POP1: variants seen among roughly 807,000 people sequenced by gnomAD.
POP1 encodes the protein ribonucleases P/MRP protein subunit POP1.
A neutral mutation model predicts 102.2 loss-of-function variants in POP1; 75 were observed. The observed-to-expected ratio is 0.73, with a 90% confidence interval of 0.61 to 0.89. The LOEUF (loss-of-function observed/expected upper bound fraction) is 0.89, where lower values mean the gene tolerates loss of function less well. POP1 is among the 40% of genes least tolerant of loss of function. POP1 has a pLI of 0.00. For missense variants in POP1, 1,116 were observed against 1,267.4 expected, an observed-to-expected ratio of 0.88 and a Z score of 1.81; for synonymous variants, 436 against 464.1, an observed-to-expected ratio of 0.94 and a Z score of 0.78.
At chr8:98,119,464 A>G (rs1046592689) in intron 1 of POP1, among the ~76,000 whole-genome samples, 3 of 152,218 alleles carry the variant, frequency 2.0e-5, no homozygotes, top group East Asian at 3.8e-4. Flanking sequence ...TAACGTATCC[A>G]TTTTATTTGA....
At chr8:98,120,489 T>C (rs1250451541) in intron 1 of POP1, among the ~76,000 whole-genome samples, 1 of 152,230 alleles carries the variant, frequency 6.6e-6, no homozygotes, top group Non-Finnish European at 1.5e-5. Context: ...TTTTTTATTT[T>C]GAGACAGAGT....
At chr8:98,124,232 A>G (rs1025373644) in intron 2 of POP1, among the ~76,000 whole-genome samples, 5 of 152,194 alleles carry the variant, frequency 3.3e-5, no homozygotes, top group Non-Finnish European at 7.3e-5. Flanking sequence ...AATAAAGGAA[A>G]TAAACTCTAC....
At chr8:98,142,265 C>T (rs897609922) in intron 11 of POP1, among the ~76,000 whole-genome samples, 4 of 152,068 alleles carry the variant, frequency 2.6e-5, no homozygotes, top group African/African-American at 4.8e-5. Context: ...TCTTGAAAAA[C>T]GTGATTTAAT....
chr8:98,128,880 T>A (rs28460391), intron 4 of POP1, among the ~76,000 whole-genome samples: 8 of 151,946 alleles, frequency 5.3e-5, no homozygotes, highest in Non-Finnish European at 5.9e-5. Context: ...GCTGTGATCA[T>A]GCTACTGTAC....
intron 1 of POP1, among the ~76,000 whole-genome samples, chr8:98,122,132 T>A (rs1396975738): frequency 6.6e-6 from 1 of 152,212 alleles, no homozygotes; most frequent in Non-Finnish European, 1.5e-5. Context: ...CCTGGCCTGG[T>A]TACACCGTTT....
At chr8:98,122,900 C>T (rs1376653427) in intron 1 of POP1, among the ~76,000 whole-genome samples, 1 of 152,130 alleles carries the variant, frequency 6.6e-6, no homozygotes, top group Non-Finnish European at 1.5e-5. Context: ...CTTTATCTTG[C>T]TTCAAATTGA....
Position 98,134,629 on chromosome 8 carries a change from G to T in POP1, c.981G>T (p.Leu327=), listed in dbSNP as rs1210419270. The T allele has an allele frequency of 1.9e-6, 3 of 1,613,948 alleles. No individual in the cohort carries two copies. Among genetic ancestry groups the T allele is most frequent in the Non-Finnish European group, 2.5e-6 (3 of 1,179,794 alleles). ...GTGACCCTTCTGAGAGCAGGCAGCT[G>T]TGGATCTGGCTGCATCCAACCCTTA... The part of the protein sequence containing the change: ...TPGDPSESRQ[L]WIWLHPTLKQ... The change falls in exon 7 of 16, where the codon CTG becomes CTT. Residue 327 remains leucine, a synonymous_variant. Coordinates refer to ENST00000401707, the MANE Select transcript of POP1 (RefSeq NM_001145860.2).
At chr8:98,145,051 C>G (rs1223150857) in intron 11 of POP1, among the ~76,000 whole-genome samples, 2 of 152,006 alleles carry the variant, frequency 1.3e-5, no homozygotes, top group Admixed American at 6.6e-5. Context: ...CCACAACCAG[C>G]TAATTTTTGT....
Position 98,159,465 on chromosome 8 carries a change from C to G in POP1, c.*1194C>G, listed in dbSNP as rs1458773362. ...AACTATGGAGAAACTCAGTGCTCATCTACTTTAAGTTTCCACATATGGCTT... is the reference window on the plus strand; with the variant it reads ...AACTATGGAGAAACTCAGTGCTCATGTACTTTAAGTTTCCACATATGGCTT... On this transcript the variant is annotated 3_prime_UTR_variant, in exon 16 of 16. Coordinates refer to ENST00000401707, the MANE Select transcript of POP1 (RefSeq NM_001145860.2). 6.6e-6 allele frequency: 1 copy of G among 152,214 alleles called. No homozygotes were observed. The highest frequency in any genetic ancestry group is 1.5e-5 in the Non-Finnish European group (1 of 68,046). 9.4% of individuals were successfully genotyped at this position (152,214 alleles called of 1,614,324 possible).
Position 98,148,900 on chromosome 8 carries a change from T to C in POP1, c.1796T>C (p.Leu599Ser). Residue 599 changes from leucine (L) to serine (S), a missense_variant, in exon 13 of 16, where the codon TTG becomes TCG. By Grantham distance (145) the Leu-to-Ser change is moderately radical. Transcript: ENST00000401707. ...GPHESKIPIL[L>S]IQQPGKVTGE... ...CATGAATCCAAGATACCTATACTTT[T>C]GATTCAGCAGCCAGGAAAAGTGACT... 1 of 1,613,936 alleles carries C rather than the reference T, an allele frequency of 6.2e-7. No homozygotes were observed. Among genetic ancestry groups the C allele is most frequent in the East Asian group, 2.2e-5 (1 of 44,888 alleles).
In POP1 at chr8:98,133,929, G is replaced by T; in HGVS notation, c.736-20G>T. The T allele has an allele frequency of 6.3e-7, 1 of 1,588,660 alleles. No homozygotes were observed. Among genetic ancestry groups the T allele is most frequent in the Non-Finnish European group, 8.6e-7 (1 of 1,156,968 alleles). On this transcript the variant is annotated intron_variant, in intron 5 of 15. Transcript: ENST00000401707. ...TGTGTAAATTCCTAAGTACTTAATT[G>T]TGTCTCCCGCTTTGTGCAGGATTTA...
chr8:98,126,958 T>G (rs1816223571), intron 2 of POP1, among the ~76,000 whole-genome samples: 1 of 152,182 alleles, frequency 6.6e-6, no homozygotes, highest in Admixed American at 6.5e-5. Context: ...AACCTGTATC[T>G]TACTGGGTAG....
chr8:98,153,560 A>G (rs1292653464), intron 14 of POP1, among the ~76,000 whole-genome samples: 2 of 29,640 alleles, frequency 6.7e-5, no homozygotes, highest in Non-Finnish European at 1.0e-4. Context: ...TTTTTTTGAG[A>G]CAGAGTCTTG....
chr8:98,138,785 T>C (rs922527783), intron 9 of POP1, among the ~76,000 whole-genome samples: 56 of 152,170 alleles, frequency 3.7e-4, no homozygotes, highest in African/African-American at 1.3e-3. Context: ...GAGCCTGTAC[T>C]GTAAACCACT....
chr8:98,117,311 T>G lies in POP1; in HGVS notation c.-82T>G, dbSNP rs1355012027. 1 of 586,756 alleles carries G rather than the reference T, an allele frequency of 1.7e-6. No individual in the cohort carries two copies. Among genetic ancestry groups the G allele is most frequent in the African/African-American group, 1.9e-5 (1 of 53,358 alleles). 36.3% of individuals were successfully genotyped at this position (586,756 alleles called of 1,614,324 possible). On this transcript the variant is annotated 5_prime_UTR_variant, in exon 1 of 16. Coordinates refer to ENST00000401707, the MANE Select transcript of POP1 (RefSeq NM_001145860.2). The stretch of plus-strand genomic sequence containing the variant: ...CTGGCGCATGCGCTCTCCAGCGCGC[T>G]CTCCAGGAGCTTTGGCTCGGTGGGT...
In POP1 at chr8:98,133,294, A is replaced by T. The variant is rs191925000; in HGVS notation, c.736-655A>T. ...ATAACTATTGAAACTTTTAACATTGATTTCATTAGCTTAGTCTGATCTCTC... is the reference window on the plus strand; with the variant it reads ...ATAACTATTGAAACTTTTAACATTGTTTTCATTAGCTTAGTCTGATCTCTC... On this transcript the variant is annotated intron_variant, in intron 5 of 15. Transcript: ENST00000401707. Among the ~76,000 whole-genome samples the T allele has an allele frequency of 1.5e-3, 223 of 152,248 alleles. 1 individual carries two copies. The highest frequency in any genetic ancestry group is 5.2e-3 in the African/African-American group (215 of 41,550).
intron 15 of POP1, among the ~76,000 whole-genome samples, 169 bp downstream of exon 15, chr8:98,156,581 A>T (rs895357343): frequency 1.3e-5 from 2 of 152,236 alleles, no homozygotes; most frequent in African/African-American, 4.8e-5. Flanking sequence ...TCAGGGAAAC[A>T]GCTTAATAAT....
intron 12 of POP1, among the ~76,000 whole-genome samples, chr8:98,147,585 A>C (rs540771403): frequency 6.6e-6 from 1 of 152,158 alleles, no homozygotes; most frequent in East Asian, 1.9e-4. Flanking sequence ...GTGGGGTTGG[A>C]GATGGGGGGT....
At chr8:98,131,254 A>G (rs950300641) in intron 5 of POP1, among the ~76,000 whole-genome samples, 2 of 152,076 alleles carry the variant, frequency 1.3e-5, no homozygotes, top group Non-Finnish European at 2.9e-5. Flanking sequence ...GACTCATTAA[A>G]CACTAACTCC....
Sources: allele counts gnomAD v4.1 joint callset (sites outside exome capture counted in the v4.1 genomes callset), GRCh38; gene constraint gnomAD v4.1.1; transcripts MANE v1.5; gene names NCBI Gene and HGNC (gene_info 2026-07-23, HGNC 2026-07-21).